Variants in NECTIN1 observed in about 807,000 individuals in gnomAD.
The protein encoded by NECTIN1 is nectin cell adhesion molecule 1.
Under a neutral mutation model 48.0 loss-of-function variants are expected in NECTIN1, and 23 were observed. The observed-to-expected ratio is 0.48, with a 90% CI of 0.34 to 0.68. The LOEUF (loss-of-function observed/expected upper bound fraction) is 0.68. Ranked by LOEUF, NECTIN1 falls within the 30% of genes least tolerant of loss-of-function variation. The probability of loss-of-function intolerance (pLI) is 0.01; values close to 1 mark genes in which losing one functional copy is unlikely to be tolerated. For synonymous variants in NECTIN1, 270 were observed against 288.9 expected (o/e 0.93, Z 0.66); for missense variants, 591 against 709.9 (o/e 0.83, Z 1.90).
chr11:119,659,741 C>T (rs768787202), downstream of NECTIN1, among the ~76,000 whole-genome samples: 3 of 152,178 alleles, frequency 2.0e-5, no homozygotes, highest in East Asian at 1.9e-4. Flanking sequence ...GCCCTCCTTC[C>T]GCTGCTGGAG....
chr11:119,666,222 G>A (rs10892428), intron 5 of NECTIN1, among the ~76,000 whole-genome samples: 8,473 of 152,308 alleles, frequency 0.056, 795 homozygotes, highest in African/African-American at 0.19. Flanking sequence ...CACGCTTGCC[G>A]TCATAGCAAG....
At chr11:119,671,184 CT>C (rs1864856937) in intron 5 of NECTIN1, among the ~76,000 whole-genome samples, 1 of 151,764 alleles carries the variant, frequency 6.6e-6, no homozygotes, top group African/African-American at 2.4e-5. Flanking sequence ...GCGTCCTCCC[CT>C]CCCCCTCCAT....
At chr11:119,694,625 G>A (rs1865311977) in intron 1 of NECTIN1, among the ~76,000 whole-genome samples, 1 of 152,206 alleles carries the variant, frequency 6.6e-6, no homozygotes. Context: ...GCTGAAGAGG[G>A]CAGTGTGGGC....
downstream of NECTIN1, chr11:119,656,358 C>T (rs906279837): frequency 3.4e-4 from 52 of 152,170 alleles, no homozygotes; most frequent in African/African-American, 1.0e-3. Context: ...GATACAGAGA[C>T]GATTAGCATG....
intron 1 of NECTIN1, chr11:119,710,013 C>T (rs934090817): frequency 6.6e-6 from 1 of 152,198 alleles, no homozygotes; most frequent in South Asian, 2.1e-4. Flanking sequence ...GGTCACCGTT[C>T]TTGGAGGGGG....
intron 5 of NECTIN1, among the ~76,000 whole-genome samples, chr11:119,648,183 ATGG>A (rs1320195571): frequency 7.4e-6 from 1 of 135,300 alleles, no homozygotes; most frequent in Non-Finnish European, 1.6e-5. Flanking sequence ...GGGTGGGGTG[ATGG>A]TGGTGGTGTG....
Position 119,662,317 on chromosome 11 carries a change from G to T in NECTIN1, c.*2430C>A. 1.0e-6 allele frequency: 1 copy of T among 985,768 alleles called. No individual in the cohort carries two copies. The highest frequency in any genetic ancestry group is 1.2e-6 in the Non-Finnish European group (1 of 829,924). The allele number at this position is 985,768 out of a possible 1,614,324, so 61.1% of individuals were successfully genotyped here. On this transcript the variant is annotated 3_prime_UTR_variant, in exon 6 of 6. Transcript: ENST00000264025. This position sits in a 1 kb window ranked among gnomAD's most constrained non-coding sequence, Gnocchi z 5.3. ...GGCACAGAAAACCTCACATCCCTAG[G>T]TCCAAGTGCTGACTCCTGCCTCATG...
Position 119,699,687 on chromosome 11 carries a change from C to T in NECTIN1, c.80-20922G>A, listed in dbSNP as rs187265006. Among the ~76,000 whole-genome samples, 74 of 152,324 alleles carry T rather than the reference C, an allele frequency of 4.9e-4. 2 individuals are homozygous for T. The highest frequency in any genetic ancestry group is 1.7e-3 in the South Asian group (8 of 4,824). ...GGGCCTTTTGAAAGACGCTCAGGTG[C>T]ATTCCCTGGAGTGCTCATGAAGTCC... On this transcript the variant is annotated intron_variant, in intron 1 of 5. Transcript: ENST00000264025.
At chr11:119,668,960 A>G (rs1382037849) in intron 5 of NECTIN1, among the ~76,000 whole-genome samples, 1 of 152,214 alleles carries the variant, frequency 6.6e-6, no homozygotes, top group African/African-American at 2.4e-5. Flanking sequence ...GCTTTCTTCA[A>G]CAGCAGAGAC....
intron 1 of NECTIN1, among the ~76,000 whole-genome samples, chr11:119,712,615 T>C (rs1865673941): frequency 6.6e-6 from 1 of 152,052 alleles, no homozygotes; most frequent in South Asian, 2.1e-4. Context: ...TCCTTTCCCC[T>C]TTTCTTCCTC....
intron 1 of NECTIN1, among the ~76,000 whole-genome samples, chr11:119,698,746 G>T (rs1206936153): frequency 1.3e-5 from 2 of 152,192 alleles, no homozygotes; most frequent in African/African-American, 4.8e-5. Context: ...AATAACGTAT[G>T]TACATGGTTA....
intron 5 of NECTIN1, among the ~76,000 whole-genome samples, chr11:119,649,471 T>A (rs1468978432): frequency 6.7e-6 from 1 of 150,290 alleles, no homozygotes; most frequent in African/African-American, 2.5e-5. Flanking sequence ...GTGGATTGCA[T>A]GAGCTCAGGA....
rs1051657215 is a variant in NECTIN1 at position 119,661,396 on chromosome 11, C to T, written c.*3351G>A. The T allele has an allele frequency of 4.2e-5, 41 of 986,040 alleles. No individual in the cohort carries two copies. Among genetic ancestry groups the T allele is most frequent in the Middle Eastern group, 5.2e-4 (1 of 1,916 alleles). The allele number at this position is 986,040 out of a possible 1,614,324, so 61.1% of individuals were successfully genotyped here. A position where few individuals can be genotyped will look rare whatever the true frequency, so the allele number is the denominator to read the frequency against. On this transcript the variant is annotated 3_prime_UTR_variant, in exon 6 of 6. Transcript: ENST00000264025. ...AGAGGGGCCTGCCTCCTGGCATCCCCGGTACTGGGCAGTGTGTGAAGCCTC... is the reference window on the plus strand; with the variant it reads ...AGAGGGGCCTGCCTCCTGGCATCCCTGGTACTGGGCAGTGTGTGAAGCCTC...
chr11:119,681,116 A>AGACGGCCCAGTACTCTTGCT lies in NECTIN1; in HGVS notation c.80-2371_80-2352dup, dbSNP rs1386263813. Among the ~76,000 whole-genome samples the AGACGGCCCAGTACTCTTGCT allele has an allele frequency of 7.5e-4, 115 of 152,376 alleles. 1 individual carries two copies. Among genetic ancestry groups the AGACGGCCCAGTACTCTTGCT allele is most frequent in the Middle Eastern group, 6.8e-3 (2 of 294 alleles). On this transcript the variant is annotated intron_variant, in intron 1 of 5. Coordinates refer to ENST00000264025, the MANE Select transcript of NECTIN1 (RefSeq NM_002855.5). ...AGTTCCATGGTGAGGTCAGTGGGCC[A>AGACGGCCCAGTACTCTTGCT]GACGGCCCAGTACTCTTGCTGACGG...
At chr11:119,653,413 C>T (rs1398892568) in intron 5 of NECTIN1, among the ~76,000 whole-genome samples, 4 of 152,196 alleles carry the variant, frequency 2.6e-5, no homozygotes, top group African/African-American at 9.7e-5. Flanking sequence ...CTGCAGCTGG[C>T]CTCAGTGTCC....
intron 1 of NECTIN1, among the ~76,000 whole-genome samples, chr11:119,708,476 G>A (rs1591480612): frequency 6.6e-6 from 1 of 152,170 alleles, no homozygotes; most frequent in African/African-American, 2.4e-5. Context: ...TCTGTGCTTT[G>A]GAAAGAGGCA....
At chr11:119,692,318 C>A (rs1168269760) in intron 1 of NECTIN1, among the ~76,000 whole-genome samples, 3 of 152,234 alleles carry the variant, frequency 2.0e-5, no homozygotes, top group African/African-American at 7.2e-5. Flanking sequence ...TCGGTGGCCA[C>A]CTGCTTCCCT....
chr11:119,714,393 C>T (rs139958422), intron 1 of NECTIN1, among the ~76,000 whole-genome samples: 41 of 152,312 alleles, frequency 2.7e-4, no homozygotes, highest in African/African-American at 9.4e-4. Flanking sequence ...ACAGGTGACA[C>T]GGGAGGCTGC....
Position 119,677,062 on chromosome 11 carries a change from G to A in NECTIN1, c.851+40C>T. On this transcript the variant is annotated intron_variant, in intron 4 of 5. Transcript: ENST00000264025. The surrounding 1 kb of genome is among the most constrained non-coding windows in gnomAD (Gnocchi z 5.4). Reference sequence around the variant, plus strand: ...CCCCTCATCACCCGTGGTCCAGTCAGCTGTCTTCCAAGGTGACTGGTCAGC... The same window carrying A: ...CCCCTCATCACCCGTGGTCCAGTCAACTGTCTTCCAAGGTGACTGGTCAGC... The A allele has an allele frequency of 6.4e-7, 1 of 1,552,040 alleles. No homozygotes were observed. Among genetic ancestry groups the A allele is most frequent in the East Asian group, 2.2e-5 (1 of 44,566 alleles).
Sources: gnomAD v4.1 joint callset for allele counts (sites outside exome capture counted in the v4.1 genomes callset) on GRCh38, gnomAD v4.1.1 for gene constraint, Gnocchi (gnomAD v3.1) non-coding constraint, MANE v1.5 for transcripts, NCBI Gene and HGNC (gene_info 2026-07-23, HGNC 2026-07-21) for gene names.